GADL1: variants seen among roughly 807,000 people sequenced by gnomAD.
The protein encoded by GADL1 is acidic amino acid decarboxylase GADL1.
GADL1 carries 71 observed loss-of-function variants against 69.5 expected under a neutral mutation model. The ratio of observed to expected loss-of-function variants is 1.02; its 90% confidence interval spans 0.84 to 1.25. The LOEUF is 1.25. GADL1 is among the 50% of genes most tolerant of loss of function. The pLI is 0.00. For synonymous variants in GADL1, 254 were observed against 214.4 expected (o/e 1.18, Z -1.62); for missense variants, 737 against 631.8 (o/e 1.17, Z -1.79).
chr3:30,873,695 A>G (rs1698527210), intron 1 of GADL1, among the ~76,000 whole-genome samples: 1 of 151,978 alleles, frequency 6.6e-6, no homozygotes, highest in Admixed American at 6.6e-5. Flanking sequence ...TTTAACCAGC[A>G]ATTTAAATGA....
At chr3:30,763,504 C>CGGCGGGG (rs1696190976) in intron 14 of GADL1, among the ~76,000 whole-genome samples, 1 of 8,210 alleles carries the variant, frequency 1.2e-4, no homozygotes. Context: ...TCCGTCTCGG[C>CGGCGGGG]GGCGGGGGGT....
chr3:30,753,891 A>G (rs1406506752), intron 14 of GADL1, among the ~76,000 whole-genome samples: 1 of 152,200 alleles, frequency 6.6e-6, no homozygotes, highest in South Asian at 2.1e-4. Context: ...CCTGCAAATG[A>G]GGTAACTAGA....
chr3:30,754,677 C>T (rs969975002), intron 14 of GADL1, among the ~76,000 whole-genome samples: 23 of 152,090 alleles, frequency 1.5e-4, no homozygotes, highest in African/African-American at 5.6e-4. Flanking sequence ...CATAAAATCT[C>T]AACTGCCTAA....
chr3:30,850,953 T>A lies in GADL1; in HGVS notation c.429-12A>T. 2 of 1,397,036 alleles carry A rather than the reference T, an allele frequency of 1.4e-6. No individual in the cohort carries two copies. The highest frequency in any genetic ancestry group is 2.5e-5 in the East Asian group (1 of 40,128). The allele number at this position is 1,397,036 out of a possible 1,614,324, so 86.5% of individuals were successfully genotyped here. A position where few individuals can be genotyped will look rare whatever the true frequency, so the allele number is the denominator to read the frequency against. On this transcript the variant is annotated splice_polypyrimidine_tract_variant and intron_variant, in intron 4 of 14. Coordinates refer to ENST00000282538, the MANE Select transcript of GADL1 (RefSeq NM_207359.3). ...CCTCATACGTATAACTAGATAGATATAAAAAACACTTCACTTCTATGACTA... is the reference window on the plus strand; with the variant it reads ...CCTCATACGTATAACTAGATAGATAAAAAAAACACTTCACTTCTATGACTA...
intron 14 of GADL1, among the ~76,000 whole-genome samples, chr3:30,736,932 G>C (rs531891763): frequency 6.6e-6 from 1 of 152,170 alleles, no homozygotes; most frequent in South Asian, 2.1e-4. Flanking sequence ...AGTAAAAAAA[G>C]TTACTTTTTC....
intron 14 of GADL1, among the ~76,000 whole-genome samples, chr3:30,761,721 C>CGG (rs1696139116): frequency 1.3e-5 from 2 of 151,618 alleles, no homozygotes; most frequent in South Asian, 4.2e-4. Flanking sequence ...GGGAAGTAGA[C>CGG]AAAGTAACAT....
chr3:30,768,442 T>G (rs771838766), intron 14 of GADL1, among the ~76,000 whole-genome samples: 21 of 151,828 alleles, frequency 1.4e-4, no homozygotes, highest in Non-Finnish European at 2.8e-4. Flanking sequence ...GGGGAAAACA[T>G]TAAGGAAAAA....
rs149349693 is a variant in GADL1, at chr3:30,789,371, C to T, written c.1251-2965G>A. Among the ~76,000 whole-genome samples, 288 of 152,270 alleles carry T rather than the reference C, an allele frequency of 1.9e-3. No homozygotes were observed. In the South Asian group the frequency reaches 0.02, roughly 11 times the overall value. On this transcript the variant is annotated intron_variant, in intron 12 of 14. Transcript: ENST00000282538. ...GCTTCAAATATTCAGTAAACCATGCCATAAAGAGATGTGCTGTCACAGGCT... is the reference window on the plus strand; with the variant it reads ...GCTTCAAATATTCAGTAAACCATGCTATAAAGAGATGTGCTGTCACAGGCT...
chr3:30,790,270 A>G (rs1453499126), intron 12 of GADL1, among the ~76,000 whole-genome samples: 2 of 152,170 alleles, frequency 1.3e-5, no homozygotes, highest in Admixed American at 1.3e-4. Flanking sequence ...AACACACTCA[A>G]TATTAAGTTT....
At chr3:30,752,562 C>T (rs962198509) in intron 14 of GADL1, among the ~76,000 whole-genome samples, 5 of 152,152 alleles carry the variant, frequency 3.3e-5, no homozygotes, top group African/African-American at 9.7e-5. Flanking sequence ...CACTCATAAA[C>T]CCAGTCTCGA....
chr3:30,875,966 C>T (rs978609923), intron 1 of GADL1, among the ~76,000 whole-genome samples: 5 of 151,976 alleles, frequency 3.3e-5, no homozygotes, highest in African/African-American at 1.2e-4. Flanking sequence ...CCTACAAGCT[C>T]CAACTTGGCC....
chr3:30,766,858 T>G lies in GADL1; in HGVS notation c.1392+11321A>C, dbSNP rs141332751. 6.4e-4 allele frequency among the ~76,000 whole-genome samples: 98 copies of G among 152,198 alleles called. No individual in the cohort carries two copies. The Middle Eastern group carries it at 0.014, about 21-fold the overall frequency. On this transcript the variant is annotated intron_variant, in intron 14 of 14. Coordinates refer to ENST00000282538, the MANE Select transcript of GADL1 (RefSeq NM_207359.3). ...TTCCTATGGGACAAGGGGGGAAACA[T>G]GAGTGACATATTGAGAGTTGGACTT... is the stretch of plus-strand genomic sequence containing the variant.
chr3:30,797,169 G>A (rs989639813), intron 12 of GADL1, among the ~76,000 whole-genome samples: 1 of 152,132 alleles, frequency 6.6e-6, no homozygotes, highest in Non-Finnish European at 1.5e-5. Flanking sequence ...GCGCTGGCTA[G>A]TATGCTGATC....
intron 1 of GADL1, among the ~76,000 whole-genome samples, chr3:30,865,664 G>A (rs554120220): frequency 9.7e-4 from 148 of 152,012 alleles, no homozygotes; most frequent in African/African-American, 3.4e-3. Flanking sequence ...AAAGAACCCC[G>A]GGAACAGTCA....
At chr3:30,737,479 T>C (rs1203134030) in intron 14 of GADL1, among the ~76,000 whole-genome samples, 1 of 152,178 alleles carries the variant, frequency 6.6e-6, no homozygotes, top group Non-Finnish European at 1.5e-5. Context: ...TAGTTTTGAT[T>C]GCTCAAAGAA....
At chr3:30,833,294 T>C (rs986422815) in intron 11 of GADL1, among the ~76,000 whole-genome samples, 2 of 152,074 alleles carry the variant, frequency 1.3e-5, no homozygotes, top group Non-Finnish European at 2.9e-5. Flanking sequence ...CTCACAGTGA[T>C]CCAGACAGTT....
At chr3:30,766,993 G>A (rs1429889333) in intron 14 of GADL1, among the ~76,000 whole-genome samples, 1 of 152,232 alleles carries the variant, frequency 6.6e-6, no homozygotes, top group Non-Finnish European at 1.5e-5. Flanking sequence ...GTAACAGGAT[G>A]AATAATAATG....
In GADL1 at chr3:30,839,529, G is replaced by GAAAAAAAAAAAAAA. The variant is rs1491390714; in HGVS notation, c.787-417_787-416insTTTTTTTTTTTTTT. ...GTCATCTTCTCAAAAAAAAAAAAAG[G>GAAAAAAAAAAAAAA]TTGGAAGACAGAGCTCCCGGAGTAA... On this transcript the variant is annotated intron_variant, in intron 8 of 14. Coordinates refer to ENST00000282538, the MANE Select transcript of GADL1 (RefSeq NM_207359.3). 9.0e-5 allele frequency among the ~76,000 whole-genome samples: 12 copies of GAAAAAAAAAAAAAA among 133,810 alleles called. No homozygotes were observed. In the East Asian group the frequency reaches 9.1e-4, roughly 10 times the overall value. 87.8% of individuals were successfully genotyped at this position (133,810 alleles called of 152,430 possible).
intron 13 of GADL1, among the ~76,000 whole-genome samples, chr3:30,780,320 T>G (rs1277532081): frequency 6.6e-6 from 1 of 152,140 alleles, no homozygotes; most frequent in Non-Finnish European, 1.5e-5. Flanking sequence ...TTTTCTGCTA[T>G]CCCATGAGCC....
Sources: gnomAD v4.1 joint callset for allele counts (sites outside exome capture counted in the v4.1 genomes callset) on GRCh38, gnomAD v4.1.1 for gene constraint, MANE v1.5 for transcripts, NCBI Gene and HGNC (gene_info 2026-07-23, HGNC 2026-07-21) for gene names.